COPS3: variants seen among roughly 807,000 people sequenced by gnomAD.
COPS3 encodes the protein COP9 signalosome complex subunit 3.
A neutral mutation model predicts 58.2 loss-of-function variants in COPS3; 10 were observed. That is an observed-to-expected ratio of 0.17 (90% CI 0.11 to 0.29). COPS3 has a LOEUF of 0.29. Among genes scored for constraint, COPS3 ranks in the 10% least tolerant of loss-of-function variants. COPS3 has a pLI of 1.00. For synonymous variants in COPS3, 187 were observed against 181.7 expected, an observed-to-expected ratio of 1.03 and a Z score of -0.24; for missense variants, 333 against 510.1, an observed-to-expected ratio of 0.65 and a Z score of 3.34.
intron 8 of COPS3, among the ~76,000 whole-genome samples, chr17:17,255,993 C>T (rs1350134699): frequency 6.7e-6 from 1 of 150,034 alleles, no homozygotes; most frequent in African/African-American, 2.5e-5. Context: ...CGTGGTGAAA[C>T]CCTGTCTCTA....
At chr17:17,271,221 G>A (rs2048333646) in intron 2 of COPS3, among the ~76,000 whole-genome samples, 2 of 152,126 alleles carry the variant, frequency 1.3e-5, no homozygotes, top group South Asian at 4.1e-4. Flanking sequence ...CTTAAGGCCA[G>A]GAGTTTGAGA....
chr17:17,257,523 C>T (rs1397484357), intron 8 of COPS3, among the ~76,000 whole-genome samples: 1 of 151,766 alleles, frequency 6.6e-6, no homozygotes, highest in East Asian at 1.9e-4. Flanking sequence ...CTAGGCCGGG[C>T]GTGGTGGCTC....
At chr17:17,255,423 T>C (rs561487324) in intron 8 of COPS3, among the ~76,000 whole-genome samples, 4 of 147,068 alleles carry the variant, frequency 2.7e-5, no homozygotes, top group African/African-American at 1.0e-4. Flanking sequence ...GAGGTGGAGG[T>C]TGCAGTGAGC....
chr17:17,250,976 C>T (rs1009400663), intron 9 of COPS3, among the ~76,000 whole-genome samples: 5 of 152,136 alleles, frequency 3.3e-5, no homozygotes, highest in African/African-American at 9.7e-5. Flanking sequence ...CTGGAAACAA[C>T]CCCAATGTCT....
intron 7 of COPS3, among the ~76,000 whole-genome samples, chr17:17,260,896 G>A (rs909848935): frequency 3.3e-5 from 5 of 151,696 alleles, no homozygotes; most frequent in Admixed American, 6.6e-5. Flanking sequence ...TATTTTTTAA[G>A]CAAGTATATC....
intron 5 of COPS3, among the ~76,000 whole-genome samples, chr17:17,266,954 C>T (rs1437715769): frequency 1.3e-5 from 2 of 151,438 alleles, no homozygotes; most frequent in African/African-American, 4.8e-5. Context: ...GTGATCCGCC[C>T]GCCTCAGCCT....
intron 1 of COPS3, among the ~76,000 whole-genome samples, chr17:17,280,320 T>C (rs563245302): frequency 6.6e-6 from 1 of 152,060 alleles, no homozygotes; most frequent in Admixed American, 6.6e-5. Context: ...GGAGAATCGC[T>C]TGAACCTCGA....
At position 17,248,918 on chromosome 17, in the gene COPS3, A is replaced by G. The variant is rs1325661092; in HGVS notation, c.1137+8T>C. 6.7e-7 allele frequency: 1 copy of G among 1,501,778 alleles called. No homozygotes were observed. The highest frequency in any genetic ancestry group is 9.1e-7 in the Non-Finnish European group (1 of 1,103,498). 93.0% of individuals were successfully genotyped at this position (1,501,778 alleles called of 1,614,324 possible). On this transcript the variant is annotated splice_region_variant and intron_variant, in intron 10 of 11. Transcript: ENST00000268717. ...TTAAAAAAATAAAAACCTGGCATTC[A>G]TGTTTACCTCCTGATCAATGTTATG...
chr17:17,271,012 G>A lies in COPS3; in HGVS notation c.186-4C>T. ...GGGCATAGAAAACTTCACAAACCTAGAATAAGGAGAAAAGAATCAAATTAC... is the reference window on the plus strand; with the variant it reads ...GGGCATAGAAAACTTCACAAACCTAAAATAAGGAGAAAAGAATCAAATTAC... On this transcript the variant is annotated splice_region_variant and splice_polypyrimidine_tract_variant and intron_variant, in intron 2 of 11. Coordinates refer to ENST00000268717, the MANE Select transcript of COPS3 (RefSeq NM_003653.4). The A allele has an allele frequency of 6.3e-7, 1 of 1,596,902 alleles. No homozygotes were observed. Among genetic ancestry groups the A allele is most frequent in the African/African-American group, 1.3e-5 (1 of 74,666 alleles).
intron 9 of COPS3, among the ~76,000 whole-genome samples, chr17:17,253,032 C>T (rs1400599320): frequency 6.6e-6 from 1 of 152,088 alleles, no homozygotes; most frequent in Admixed American, 6.6e-5. Flanking sequence ...TCAAGTTATG[C>T]CTGGCCAACA....
intron 2 of COPS3, 45 bp from the exon 3 acceptor site, chr17:17,271,053 G>T (rs765258968): frequency 6.0e-6 from 8 of 1,332,938 alleles, no homozygotes; most frequent in Non-Finnish European, 5.4e-6. Flanking sequence ...TAGTTCATGG[G>T]ATAAAATACA....
Position 17,271,018 on chromosome 17 carries a change from G to A in COPS3, c.186-10C>T, listed in dbSNP as rs774872749. The stretch of plus-strand genomic sequence containing the variant: ...AGAAAACTTCACAAACCTAGAATAA[G>A]GAGAAAAGAATCAAATTACCCTGAT... On this transcript the variant is annotated splice_polypyrimidine_tract_variant and intron_variant, in intron 2 of 11. Transcript: ENST00000268717. 4 of 1,587,654 alleles carry A rather than the reference G, an allele frequency of 2.5e-6. No individual in the cohort carries two copies. In the African/African-American group the frequency reaches 4.0e-5, roughly 16 times the overall value.
At chr17:17,259,611 T>C (rs1241440301) in intron 8 of COPS3, among the ~76,000 whole-genome samples, 9 of 152,174 alleles carry the variant, frequency 5.9e-5, no homozygotes, top group Admixed American at 2.6e-4. Flanking sequence ...GGTGTTCTCA[T>C]TGGCTGGGTG....
chr17:17,278,679 G>A (rs1471936919), intron 1 of COPS3, among the ~76,000 whole-genome samples: 2 of 151,976 alleles, frequency 1.3e-5, no homozygotes, highest in Non-Finnish European at 2.9e-5. Flanking sequence ...CCAGAAATAA[G>A]CATTGCAATC....
chr17:17,274,199 C>T (rs2048411012), intron 2 of COPS3, among the ~76,000 whole-genome samples: 1 of 152,166 alleles, frequency 6.6e-6, no homozygotes, highest in South Asian at 2.1e-4. Context: ...TCTACATATT[C>T]TTCCAATTTT....
intron 2 of COPS3, among the ~76,000 whole-genome samples, chr17:17,271,989 GA>G: frequency 6.7e-6 from 1 of 149,808 alleles, no homozygotes; most frequent in East Asian, 2.0e-4. Context: ...TCCACTAAAT[GA>G]AGCCAAATAG....
At position 17,274,123 on chromosome 17, in the gene COPS3, C is replaced by T. The variant is rs187189665; in HGVS notation, c.185+1912G>A. 4.0e-3 allele frequency among the ~76,000 whole-genome samples: 613 copies of T among 152,150 alleles called. 14 individuals carry two copies. The highest frequency in any genetic ancestry group is 6.8e-4 in the Non-Finnish European group (46 of 68,022). ...CATTTTGAAGGTATAAGGTGTTTACCGTTGTATATGTTAGATAAGGTATGG... is the reference window on the plus strand; with the variant it reads ...CATTTTGAAGGTATAAGGTGTTTACTGTTGTATATGTTAGATAAGGTATGG... On this transcript the variant is annotated intron_variant, in intron 2 of 11. Coordinates refer to ENST00000268717, the MANE Select transcript of COPS3 (RefSeq NM_003653.4).
At chr17:17,249,179 T>C in intron 9 of COPS3, 140 bp from the exon 10 acceptor site, 1 of 575,008 alleles carries the variant, frequency 1.7e-6, no homozygotes. Context: ...CGCCATCTGT[T>C]TATCCAAGTA....
Position 17,267,974 on chromosome 17 carries a change from G to T in COPS3, c.352C>A (p.Leu118Met). 6.2e-7 allele frequency: 1 copy of T among 1,613,692 alleles called. No homozygotes were observed. Among genetic ancestry groups the T allele is most frequent in the Non-Finnish European group, 8.5e-7 (1 of 1,179,800 alleles). ...TNALVERKQP[L>M]RGIGILKQAI... The stretch of plus-strand genomic sequence containing the variant: ...TGCTTAAGGATGCCAATTCCTCGCA[G>T]GGGCTGTCAGAAATGACATCTCTTT... The change falls in exon 5 of 12, where the codon CTG (leucine) becomes ATG (methionine). Residue 118 changes from leucine to methionine, a missense_variant. Leu to Met is a conservative substitution (Grantham distance 15, BLOSUM62 2). Coordinates refer to ENST00000268717, the MANE Select transcript of COPS3 (RefSeq NM_003653.4).
Sources: gnomAD v4.1 joint callset for allele counts (sites outside exome capture counted in the v4.1 genomes callset) on GRCh38, gnomAD v4.1.1 for gene constraint, MANE v1.5 for transcripts, NCBI Gene and HGNC (gene_info 2026-07-23, HGNC 2026-07-21) for gene names.